Variants in GOLPH3 observed in about 807,000 individuals in gnomAD.
GOLPH3 encodes the protein coat protein GPP34.
In GOLPH3, 14 loss-of-function variants were observed where a neutral mutation model predicts 28.5. That is an observed-to-expected ratio of 0.49 (90% CI 0.32 to 0.77). The LOEUF is 0.77. Among genes scored for constraint, GOLPH3 ranks in the 30% least tolerant of loss-of-function variants. GOLPH3 has a pLI of 0.03. For missense variants in GOLPH3, 350 were observed against 393.7 expected, an observed-to-expected ratio of 0.89 and a Z score of 0.94; for synonymous variants, 158 against 159.2, an observed-to-expected ratio of 0.99 and a Z score of 0.06.
intron 1 of GOLPH3, among the ~76,000 whole-genome samples, chr5:32,161,640 C>T (rs1032560351): frequency 9.3e-5 from 14 of 151,220 alleles, no homozygotes; most frequent in Admixed American, 5.9e-4. Context: ...TTGGAGGCTA[C>T]TGATACGTCT....
intron 1 of GOLPH3, among the ~76,000 whole-genome samples, chr5:32,165,353 T>C (rs945732973): frequency 1.3e-5 from 2 of 151,966 alleles, no homozygotes; most frequent in African/African-American, 4.8e-5. Flanking sequence ...GAGGCCAACG[T>C]GGGTGGATCA....
At chr5:32,127,601 T>A (rs1022483028) in intron 3 of GOLPH3, among the ~76,000 whole-genome samples, 3 of 152,204 alleles carry the variant, frequency 2.0e-5, no homozygotes, top group Non-Finnish European at 4.4e-5. Flanking sequence ...AATAGTGACG[T>A]ATGGCCAGTG....
intron 1 of GOLPH3, among the ~76,000 whole-genome samples, chr5:32,172,787 G>A (rs1324353931): frequency 1.3e-5 from 2 of 152,182 alleles, no homozygotes; most frequent in Non-Finnish European, 2.9e-5. Flanking sequence ...CTTGAACCCG[G>A]GAGGCGGAGA....
intron 1 of GOLPH3, among the ~76,000 whole-genome samples, chr5:32,173,065 C>CT (rs768487268): frequency 2.0e-5 from 3 of 152,248 alleles, no homozygotes; most frequent in Non-Finnish European, 2.9e-5. Context: ...CCACCTGAAG[C>CT]TTTGAGGCCT....
At chr5:32,167,233 G>A (rs565208276) in intron 1 of GOLPH3, among the ~76,000 whole-genome samples, 6 of 152,208 alleles carry the variant, frequency 3.9e-5, no homozygotes, top group East Asian at 3.9e-4. Flanking sequence ...GTGCAGTGGC[G>A]CAATCTTGGC....
rs1745665823 is a variant in GOLPH3, at chr5:32,125,896, G to C, written c.*316C>G. ...AAACTCAAGCTGAGGTCATCCAAAA[G>C]CTGTGCGTATGAGGAGGCTGGAGGT... is the stretch of plus-strand genomic sequence containing the variant. On this transcript the variant is annotated 3_prime_UTR_variant, in exon 4 of 4. Coordinates refer to ENST00000265070, the MANE Select transcript of GOLPH3 (RefSeq NM_022130.4). 3.9e-6 allele frequency: 1 copy of C among 256,866 alleles called. No individual in the cohort carries two copies. The highest frequency in any genetic ancestry group is 4.9e-5 in the Admixed American group (1 of 20,248). The allele number at this position is 256,866 out of a possible 1,614,324, so 15.9% of individuals were successfully genotyped here. A position where few individuals can be genotyped will look rare whatever the true frequency, so the allele number is the denominator to read the frequency against.
chr5:32,155,592 GCTTT>G (rs1450711880), intron 1 of GOLPH3, among the ~76,000 whole-genome samples: 1 of 152,062 alleles, frequency 6.6e-6, no homozygotes, highest in Non-Finnish European at 1.5e-5. Flanking sequence ...AAAGCCCTCA[GCTTT>G]CTGATTTTTT....
At chr5:32,149,510 C>T (rs1368961379) in intron 1 of GOLPH3, among the ~76,000 whole-genome samples, 4 of 152,136 alleles carry the variant, frequency 2.6e-5, no homozygotes, top group Admixed American at 2.0e-4. Flanking sequence ...TGAATCATAT[C>T]TCAGAGCTGT....
At chr5:32,173,095 A>G (rs1746880117) in intron 1 of GOLPH3, among the ~76,000 whole-genome samples, 1 of 152,110 alleles carries the variant, frequency 6.6e-6, no homozygotes, top group African/African-American at 2.4e-5. Context: ...TCACAAACCT[A>G]CATTTCAAGC....
chr5:32,134,231 G>C (rs1164242243), intron 3 of GOLPH3, among the ~76,000 whole-genome samples: 1 of 151,612 alleles, frequency 6.6e-6, no homozygotes, highest in East Asian at 1.9e-4. Context: ...CTTGAGACGG[G>C]GTCTCACTCT....
At position 32,152,278 on chromosome 5, in the gene GOLPH3, C is replaced by T. The variant is rs1187370003; in HGVS notation, c.226-8398G>A. Among the ~76,000 whole-genome samples the T allele has an allele frequency of 2.0e-5, 3 of 151,818 alleles. No homozygotes were observed. The East Asian group carries it at 5.9e-4, about 30-fold the overall frequency. ...AGTAGCTGGGACTACAGGCGTGCGC[C>T]ACCATGCCCGGCTAATTATTCTATT... On this transcript the variant is annotated intron_variant, in intron 1 of 3. Transcript: ENST00000265070.
intron 1 of GOLPH3, among the ~76,000 whole-genome samples, chr5:32,155,070 G>A (rs542339055): frequency 4.4e-5 from 6 of 136,828 alleles, no homozygotes; most frequent in Non-Finnish European, 7.5e-5. Context: ...CTGCAATCCC[G>A]CCTGGGCGAC....
chr5:32,142,068 G>C (rs534866697), intron 2 of GOLPH3, among the ~76,000 whole-genome samples: 1 of 150,118 alleles, frequency 6.7e-6, no homozygotes, highest in East Asian at 2.0e-4. Context: ...GCTGCCCATC[G>C]TCTGGGATGT....
intron 1 of GOLPH3, among the ~76,000 whole-genome samples, chr5:32,149,265 CACAT>C (rs1227610809): frequency 6.6e-6 from 1 of 152,164 alleles, no homozygotes; most frequent in Non-Finnish European, 1.5e-5. Context: ...GGCAGACAGG[CACAT>C]ACACGGAATA....
chr5:32,174,099 T>A lies in GOLPH3; in HGVS notation c.-65A>T. The A allele has an allele frequency of 9.0e-7, 1 of 1,112,970 alleles. No individual in the cohort carries two copies. The highest frequency in any genetic ancestry group is 1.6e-5 in the African/African-American group (1 of 61,562). The allele number at this position is 1,112,970 out of a possible 1,614,324, so 68.9% of individuals were successfully genotyped here. On this transcript the variant is annotated 5_prime_UTR_variant, in exon 1 of 4. Transcript: ENST00000265070. ...AGGACCGACCGGGTCGCCCTCCTCC[T>A]CCCCGCGCGGCCTCCGATCCGGGTT...
chr5:32,139,201 AAAT>A (rs1746004436), intron 2 of GOLPH3, among the ~76,000 whole-genome samples: 2 of 152,252 alleles, frequency 1.3e-5, no homozygotes, highest in African/African-American at 4.8e-5. Context: ...TATCCAGGAA[AAAT>A]AATACAAATT....
At chr5:32,158,532 TC>T (rs1746506128) in intron 1 of GOLPH3, among the ~76,000 whole-genome samples, 2 of 152,082 alleles carry the variant, frequency 1.3e-5, no homozygotes. Flanking sequence ...CTATCTCCTT[TC>T]CATTCACAGC....
intron 3 of GOLPH3, among the ~76,000 whole-genome samples, chr5:32,128,675 A>T (rs1464707339): frequency 2.0e-5 from 3 of 152,158 alleles, no homozygotes; most frequent in Non-Finnish European, 4.4e-5. Flanking sequence ...ATTTAAAAAC[A>T]AAAACAAAAA....
chr5:32,162,058 A>G (rs1010966077), intron 1 of GOLPH3, among the ~76,000 whole-genome samples: 2 of 151,168 alleles, frequency 1.3e-5, no homozygotes, highest in Non-Finnish European at 2.9e-5. Flanking sequence ...AAAAAATAAA[A>G]AAATAAAAAT....
Sources: allele counts gnomAD v4.1 joint callset (sites outside exome capture counted in the v4.1 genomes callset), GRCh38; gene constraint gnomAD v4.1.1; transcripts MANE v1.5; gene names NCBI Gene and HGNC (gene_info 2026-07-23, HGNC 2026-07-21).